SLC39A11: variants seen among roughly 807,000 people sequenced by gnomAD.
SLC39A11 encodes the protein zinc transporter ZIP11.
In SLC39A11, 33 loss-of-function variants were observed where a neutral mutation model predicts 36.1. That is an observed-to-expected ratio of 0.91 (90% CI 0.69 to 1.22). The LOEUF (loss-of-function observed/expected upper bound fraction) is 1.22, where lower values mean the gene tolerates loss of function less well. Among genes scored for constraint, SLC39A11 ranks in the 50% most tolerant of loss-of-function variants. SLC39A11 has a pLI of 0.00. For missense variants in SLC39A11, 432 were observed against 430.3 expected (o/e 1.00, Z -0.03); for synonymous variants, 166 against 170.3 (o/e 0.97, Z 0.20).
chr17:72,871,521 G>C (rs1294978447), intron 5 of SLC39A11, among the ~76,000 whole-genome samples: 3 of 152,102 alleles, frequency 2.0e-5, no homozygotes, highest in Admixed American at 1.3e-4. Context: ...GGGAGGAGGA[G>C]AGGGCCTACA....
intron 5 of SLC39A11, among the ~76,000 whole-genome samples, chr17:72,893,215 C>A (rs1208355304): frequency 6.6e-6 from 1 of 152,200 alleles, no homozygotes; most frequent in East Asian, 1.9e-4. Flanking sequence ...GTAATCCCAG[C>A]ACTTTGGGAG....
intron 7 of SLC39A11, among the ~76,000 whole-genome samples, chr17:72,687,446 T>C (rs1032350988): frequency 6.6e-6 from 1 of 152,224 alleles, no homozygotes; most frequent in Admixed American, 6.5e-5. Flanking sequence ...GGTTTCACCA[T>C]GTTAGCCAGG....
At chr17:73,046,801 C>T (rs1481192267) in intron 3 of SLC39A11, among the ~76,000 whole-genome samples, 1 of 151,758 alleles carries the variant, frequency 6.6e-6, no homozygotes, top group African/African-American at 2.4e-5. Context: ...GTTAGCCGGG[C>T]GTGGTGGCGC....
At chr17:73,089,452 C>A (rs748897393) in intron 1 of SLC39A11, among the ~76,000 whole-genome samples, 1 of 152,162 alleles carries the variant, frequency 6.6e-6, no homozygotes, top group Non-Finnish European at 1.5e-5. Flanking sequence ...GAATACCTTC[C>A]TTGCACATTT....
intron 7 of SLC39A11, among the ~76,000 whole-genome samples, chr17:72,686,530 C>G (rs531995780): frequency 6.6e-6 from 1 of 151,672 alleles, no homozygotes; most frequent in Non-Finnish European, 1.5e-5. Context: ...CCAGACCCCC[C>G]TCTGCTTGGC....
At position 72,964,843 on chromosome 17, in the gene SLC39A11, G is replaced by A. The variant is rs901065286; in HGVS notation, c.307-16968C>T. Among the ~76,000 whole-genome samples, 3 of 152,140 alleles carry A rather than the reference G, an allele frequency of 2.0e-5. No homozygotes were observed. The East Asian group carries it at 5.8e-4, about 29-fold the overall frequency. On this transcript the variant is annotated intron_variant, in intron 4 of 9. Transcript: ENST00000255559. The stretch of plus-strand genomic sequence containing the variant: ...CACTATGCACAATAGCAACGACTTG[G>A]AACCAACCCAAATGTCCATCAATGA...
At chr17:72,915,131 G>T (rs900588687) in intron 5 of SLC39A11, among the ~76,000 whole-genome samples, 2 of 152,092 alleles carry the variant, frequency 1.3e-5, no homozygotes, top group Admixed American at 6.6e-5. Flanking sequence ...TATTAATCAT[G>T]TTACAGACCC....
intron 6 of SLC39A11, among the ~76,000 whole-genome samples, chr17:72,781,996 AT>A (rs2076335251): frequency 6.6e-6 from 1 of 152,104 alleles, no homozygotes; most frequent in African/African-American, 2.4e-5. Flanking sequence ...ACATACATAT[AT>A]TCAAGTCCCA....
At chr17:73,067,893 A>G (rs1272367499) in intron 3 of SLC39A11, 15 of 1,607,806 alleles carry the variant, frequency 9.3e-6, no homozygotes, top group Non-Finnish European at 1.3e-5. Context: ...GACTTGCAGT[A>G]ATGTAAAACC....
intron 4 of SLC39A11, among the ~76,000 whole-genome samples, chr17:73,013,324 G>A (rs963974011): frequency 1.6e-5 from 2 of 127,662 alleles, no homozygotes; most frequent in African/African-American, 5.4e-5. Context: ...CTGACCTCCG[G>A]CGATCCACCC....
intron 3 of SLC39A11, among the ~76,000 whole-genome samples, chr17:73,044,448 C>A (rs1226624770): frequency 1.3e-5 from 2 of 152,316 alleles, no homozygotes; most frequent in East Asian, 1.9e-4. Context: ...ACAACAAAAA[C>A]TATATGGATA....
chr17:73,023,474 GT>G lies in SLC39A11; in HGVS notation c.306+8081del, dbSNP rs879945326. Among the ~76,000 whole-genome samples, 538 of 151,818 alleles carry G rather than the reference GT, an allele frequency of 3.5e-3. 5 individuals are homozygous for G. The highest frequency in any genetic ancestry group is 0.012 in the African/African-American group (489 of 41,426). On this transcript the variant is annotated intron_variant, in intron 4 of 9. Coordinates refer to ENST00000255559, the MANE Select transcript of SLC39A11 (RefSeq NM_139177.4). ...AAGGTGTCCAATCAAAATGGTGCTGGTTTTTTTTGTTGTTGTTTGTTTGTTT... is the reference window on the plus strand; with the variant it reads ...AAGGTGTCCAATCAAAATGGTGCTGGTTTTTTTGTTGTTGTTTGTTTGTTT...
chr17:72,736,603 C>A (rs1161453040), intron 7 of SLC39A11, 47 bp downstream of exon 7: 1 of 1,515,728 alleles, frequency 6.6e-7, no homozygotes, highest in Admixed American at 1.7e-5. Context: ...ACCCAGAGCA[C>A]CCCTGGGTGC....
intron 5 of SLC39A11, among the ~76,000 whole-genome samples, chr17:72,909,898 A>AC (rs1190624453): frequency 6.6e-6 from 1 of 150,964 alleles, no homozygotes; most frequent in Non-Finnish European, 1.5e-5. Flanking sequence ...GGCGCCCGCC[A>AC]TTACGCCCGG....
chr17:72,698,758 A>G (rs1303963427), intron 7 of SLC39A11, among the ~76,000 whole-genome samples: 2 of 152,166 alleles, frequency 1.3e-5, no homozygotes, highest in Non-Finnish European at 2.9e-5. Flanking sequence ...CGGTACAAAC[A>G]TTCCTCCAGT....
chr17:72,647,819 A>G (rs184993323), intron 9 of SLC39A11, among the ~76,000 whole-genome samples, 157 bp from the exon 10 acceptor site: 1 of 152,166 alleles, frequency 6.6e-6, no homozygotes, highest in Non-Finnish European at 1.5e-5. Flanking sequence ...CAGGCAAACT[A>G]ATGAACCATG....
At chr17:72,970,997 C>A (rs1447058337) in intron 4 of SLC39A11, among the ~76,000 whole-genome samples, 2 of 152,170 alleles carry the variant, frequency 1.3e-5, no homozygotes, top group African/African-American at 4.8e-5. Flanking sequence ...CACAAACAGG[C>A]TGATCGCAGC....
At chr17:72,729,446 TATATATATATA>T (rs1216498522) in intron 7 of SLC39A11, among the ~76,000 whole-genome samples, 5 of 9,552 alleles carry the variant, frequency 5.2e-4, no homozygotes, top group East Asian at 2.8e-3. Context: ...TATATATATA[TATATATATATA>T]TTTTTTTTTT....
intron 7 of SLC39A11, among the ~76,000 whole-genome samples, chr17:72,664,727 C>T (rs988826529): frequency 1.3e-5 from 2 of 152,226 alleles, no homozygotes; most frequent in Non-Finnish European, 2.9e-5. Flanking sequence ...GGCCAGGGCC[C>T]ACATCCCCTG....
Sources: allele counts gnomAD v4.1 joint callset (sites outside exome capture counted in the v4.1 genomes callset), GRCh38; gene constraint gnomAD v4.1.1; transcripts MANE v1.5; gene names NCBI Gene and HGNC (gene_info 2026-07-23, HGNC 2026-07-21).